RC3H2: variants seen among roughly 807,000 people sequenced by gnomAD.
RC3H2 encodes roquin-2.
Under a neutral mutation model 133.3 loss-of-function variants are expected in RC3H2, and 31 were observed. The ratio of observed to expected loss-of-function variants is 0.23; its 90% CI spans 0.17 to 0.31. RC3H2 has a LOEUF of 0.31. RC3H2 is among the 10% of genes least tolerant of loss of function. The probability of loss-of-function intolerance (pLI) is 1.00; values close to 1 mark genes in which losing one functional copy is unlikely to be tolerated. For missense variants in RC3H2, 1,175 were observed against 1,437.2 expected (o/e 0.82, Z 2.95); for synonymous variants, 517 against 502.2 (o/e 1.03, Z -0.40).
intron 9 of RC3H2, chr9:122,874,268 A>C (rs1346276268): frequency 6.6e-6 from 1 of 152,168 alleles, no homozygotes; most frequent in Non-Finnish European, 1.5e-5. Flanking sequence ...TAGAGGATAA[A>C]ATCAGGATGA....
At chr9:122,900,825 T>G (rs575305245) in intron 1 of RC3H2, among the ~76,000 whole-genome samples, 38 of 152,312 alleles carry the variant, frequency 2.5e-4, no homozygotes, top group Middle Eastern at 3.4e-3. Flanking sequence ...TTAACTAATT[T>G]TAGTTACCAG....
intron 12 of RC3H2, 100 bp downstream of exon 12, chr9:122,858,569 C>T: frequency 1.0e-6 from 1 of 969,498 alleles, no homozygotes. Context: ...TTCCTTAAGT[C>T]ACACAATTAG....
chr9:122,890,428 C>T lies in RC3H2; in HGVS notation c.467G>A (p.Arg156His). 3 of 1,614,128 alleles carry T rather than the reference C, an allele frequency of 1.9e-6. No homozygotes were observed. The highest frequency in any genetic ancestry group is 2.5e-6 in the Non-Finnish European group (3 of 1,180,006). ...EGRVRAMRAA[R>H]SLGERTVTEL... ...TGTTACAGTTCTTTCTCCAAGGGAA[C>T]GAGCTGCTCGCATGGCTCTTACACG... Residue 156 changes from arginine (R) to histidine (H), a missense_variant, in exon 4 of 21, where the codon CGT becomes CAT. Around this residue, in one of 8 missense-constraint regions of RC3H2, gnomAD observed 121 missense variants for 243.5 expected, o/e 0.50. Coordinates refer to ENST00000357244, the MANE Select transcript of RC3H2 (RefSeq NM_001100588.3).
intron 1 of RC3H2, among the ~76,000 whole-genome samples, chr9:122,903,429 A>C (rs1832731101): frequency 6.6e-6 from 1 of 152,228 alleles, no homozygotes; most frequent in Non-Finnish European, 1.5e-5. Context: ...CCTGAGTGTA[A>C]AGAAGAATGC....
chr9:122,853,710 C>T, intron 18 of RC3H2: 1 of 1,022,032 alleles, frequency 9.8e-7, no homozygotes, highest in Admixed American at 2.9e-5. Flanking sequence ...CAAGATCGTG[C>T]CATTGCACTC....
chr9:122,870,608 G>T (rs572051192), intron 9 of RC3H2, among the ~76,000 whole-genome samples: 1 of 152,308 alleles, frequency 6.6e-6, no homozygotes, highest in South Asian at 2.1e-4. Context: ...TTCAGGGACA[G>T]GATCTCACTA....
Position 122,879,803 on chromosome 9 carries a change from A to T in RC3H2, c.1164T>A (p.Leu388=). The change falls in exon 8 of 21, where the codon CTT becomes CTA. Residue 388 remains leucine (L), a synonymous_variant. Transcript: ENST00000357244. ...TACTATAATTTTGTATGAAGTCCAC[A>T]AGGCCATGAACTACTGTTTTAACAG... is the stretch of plus-strand genomic sequence containing the variant. The part of the protein sequence containing the change: ...MVAVKTVVHG[L]VDFIQNYSRK... 6.2e-7 allele frequency: 1 copy of T among 1,613,992 alleles called. No homozygotes were observed. Among genetic ancestry groups the T allele is most frequent in the Non-Finnish European group, 8.5e-7 (1 of 1,179,966 alleles).
chr9:122,901,592 T>G (rs1486876557), intron 1 of RC3H2, among the ~76,000 whole-genome samples: 3 of 149,700 alleles, frequency 2.0e-5, no homozygotes, highest in African/African-American at 7.4e-5. Context: ...CATTCTTTTT[T>G]TTTTTTTTTT....
intron 10 of RC3H2, among the ~76,000 whole-genome samples, chr9:122,860,718 C>A (rs1381174268): frequency 1.3e-5 from 2 of 151,400 alleles, no homozygotes; most frequent in Non-Finnish European, 2.9e-5. Context: ...CTGGCCATTA[C>A]TCATTCTTTA....
At chr9:122,902,222 C>T (rs565543163) in intron 1 of RC3H2, among the ~76,000 whole-genome samples, 5 of 152,130 alleles carry the variant, frequency 3.3e-5, no homozygotes, top group East Asian at 1.9e-4. Context: ...TGAGCCACCG[C>T]GCCCAGCCAA....
chr9:122,867,220 C>A (rs546644668), intron 9 of RC3H2, among the ~76,000 whole-genome samples: 1 of 90,108 alleles, frequency 1.1e-5, no homozygotes, highest in Admixed American at 1.1e-4. Context: ...CCACCCCGTC[C>A]GGGAGGGAGG....
rs1162367037 is a variant in RC3H2, at chr9:122,845,536, T to C, written c.*4091A>G. The C allele has an allele frequency of 6.6e-6, 1 of 152,058 alleles. No homozygotes were observed. The highest frequency in any genetic ancestry group is 1.5e-5 in the Non-Finnish European group (1 of 68,022). The allele number at this position is 152,058 out of a possible 1,614,324, so 9.4% of individuals were successfully genotyped here. ...ACTGGTTTGGGAATATTTTAAAAAT[T>C]TTATTAAAAAAAAGAAAAAACTGCC... On this transcript the variant is annotated 3_prime_UTR_variant, in exon 21 of 21. Coordinates refer to ENST00000357244, the MANE Select transcript of RC3H2 (RefSeq NM_001100588.3).
At chr9:122,861,734 G>A (rs116279498) in intron 10 of RC3H2, among the ~76,000 whole-genome samples, 275 of 152,166 alleles carry the variant, frequency 1.8e-3, no homozygotes, top group African/African-American at 5.9e-3. Context: ...CATTTTAAAG[G>A]TAGGATATAA....
intron 1 of RC3H2, among the ~76,000 whole-genome samples, chr9:122,901,705 C>A (rs569828787): frequency 6.6e-6 from 1 of 150,960 alleles, no homozygotes; most frequent in African/African-American, 2.4e-5. Flanking sequence ...GATTCTCCTG[C>A]CTCAGCCTCC....
At chr9:122,883,140 A>T in intron 5 of RC3H2, 64 bp downstream of exon 5, 2 of 1,486,424 alleles carry the variant, frequency 1.3e-6, no homozygotes, top group East Asian at 4.6e-5. Flanking sequence ...ACTGGGTAAC[A>T]TGAATTTCAG....
intron 2 of RC3H2, among the ~76,000 whole-genome samples, chr9:122,895,262 T>C (rs1315670534): frequency 6.6e-6 from 1 of 151,896 alleles, no homozygotes; most frequent in African/African-American, 2.4e-5. Context: ...TGGGCTCAAG[T>C]GAACCTCCCA....
At chr9:122,855,956 T>C (rs577751825) in intron 13 of RC3H2, 78 bp from the exon 14 acceptor site, 29 of 1,202,890 alleles carry the variant, frequency 2.4e-5, no homozygotes, top group Non-Finnish European at 3.2e-5. Context: ...AAAGTAACTA[T>C]TATAGAATTC....
intron 1 of RC3H2, among the ~76,000 whole-genome samples, chr9:122,904,460 T>C (rs1832765513): frequency 6.6e-6 from 1 of 152,234 alleles, no homozygotes; most frequent in African/African-American, 2.4e-5. Context: ...CTTTCTACCA[T>C]TCTTCTAAGA....
chr9:122,855,299 G>T lies in RC3H2; in HGVS notation c.2700C>A (p.Pro900=), dbSNP rs200119402. Residue 900 remains proline (P), a synonymous_variant, in exon 15 of 21, where the codon CCC becomes CCA. Transcript: ENST00000357244. ...AAATCGCACCCCATTTTGAGATGATGGGTCCATCACTAAAGGGAATTATTG... is the reference window on the plus strand; with the variant it reads ...AAATCGCACCCCATTTTGAGATGATTGGTCCATCACTAAAGGGAATTATTG... The part of the protein sequence containing the change: ...EDPIIPFSDG[P]IISKWGAISR... 2.5e-6 allele frequency: 4 copies of T among 1,613,984 alleles called. No individual in the cohort carries two copies. The East Asian group carries it at 8.9e-5, about 36-fold the overall frequency.
Sources: allele counts gnomAD v4.1 joint callset (sites outside exome capture counted in the v4.1 genomes callset), GRCh38; gene constraint gnomAD v4.1.1; regional missense constraint gnomAD v4.1.1; transcripts MANE v1.5; gene names NCBI Gene and HGNC (gene_info 2026-07-23, HGNC 2026-07-21).